The following TMEM140 variants were observed in gnomAD, a reference collection of about 807,000 sequenced individuals.
TMEM140 encodes the protein transmembrane protein 140.
For missense variants in TMEM140, 236 were observed against 228.5 expected, an observed-to-expected ratio of 1.03 and a Z score of -0.21; for synonymous variants, 107 against 106.8, an observed-to-expected ratio of 1.00 and a Z score of -0.01.
chr7:135,149,790 A>G (rs1829626758), intron 1 of TMEM140, among the ~76,000 whole-genome samples: 1 of 152,164 alleles, frequency 6.6e-6, no homozygotes, highest in African/African-American at 2.4e-5. Context: ...TTAGTTAACT[A>G]CTTTGCATTC....
At chr7:135,155,874 AT>A (rs1172522109) in intron 1 of TMEM140, among the ~76,000 whole-genome samples, 5 of 152,192 alleles carry the variant, frequency 3.3e-5, no homozygotes, top group Admixed American at 2.0e-4. Context: ...TAAAAACACC[AT>A]TCATTTCAGT....
At chr7:135,162,402 T>C (rs1173817685) in intron 1 of TMEM140, among the ~76,000 whole-genome samples, 1 of 152,214 alleles carries the variant, frequency 6.6e-6, no homozygotes, top group East Asian at 1.9e-4. Flanking sequence ...TCCTAGTCAC[T>C]TCCTGGTGAA....
intron 1 of TMEM140, chr7:135,152,710 C>T (rs1829694464): frequency 6.6e-6 from 1 of 152,190 alleles, no homozygotes; most frequent in Non-Finnish European, 1.5e-5. Flanking sequence ...TTCTTCCCTC[C>T]CTGGTCCCCT....
chr7:135,151,884 G>C lies in TMEM140; in HGVS notation c.-25+3614G>C, dbSNP rs1829674289. Among the ~76,000 whole-genome samples, 1 of 152,144 alleles carries C rather than the reference G, an allele frequency of 6.6e-6. No individual in the cohort carries two copies. The highest frequency in any genetic ancestry group is 6.6e-5 in the Admixed American group (1 of 15,266). On this transcript the variant is annotated intron_variant, in intron 1 of 1. Transcript: ENST00000275767. The surrounding 1 kb of genome is among the most constrained non-coding windows in gnomAD (Gnocchi z 4.3). Reference sequence around the variant, plus strand: ...CTGTGCTACCTCTCAACAGGCAGCTGCATCCTGGAGTCATCACAACCAAAC... The same window carrying C: ...CTGTGCTACCTCTCAACAGGCAGCTCCATCCTGGAGTCATCACAACCAAAC...
intron 1 of TMEM140, among the ~76,000 whole-genome samples, chr7:135,154,763 C>A (rs1829747376): frequency 6.6e-6 from 1 of 152,106 alleles, no homozygotes; most frequent in South Asian, 2.1e-4. Context: ...TCTTTTGTGG[C>A]CTTACATGTG....
In TMEM140 at chr7:135,164,841, T is replaced by C; in HGVS notation, c.400T>C (p.Phe134Leu). The C allele has an allele frequency of 1.2e-6, 2 of 1,613,974 alleles. No homozygotes were observed. Among genetic ancestry groups the C allele is most frequent in the South Asian group, 2.2e-5 (2 of 91,056 alleles). The change falls in exon 2 of 2, where the codon TTC (phenylalanine) becomes CTC (leucine). Residue 134 changes from phenylalanine (F) to leucine (L), a missense_variant. By Grantham distance (22) the Phe-to-Leu change is conservative (BLOSUM62 0). Transcript: ENST00000275767. ...GCTGCTGGCAGGCGGCCTGGGCCTCTTCCTCTCCTATGTGTGGAAGTGGGT... is the reference window on the plus strand; with the variant it reads ...GCTGCTGGCAGGCGGCCTGGGCCTCCTCCTCTCCTATGTGTGGAAGTGGGT... ...SVLLAGGLGLFLSYVWKWVRL... is the reference protein window; with the variant it reads ...SVLLAGGLGLLLSYVWKWVRL...
chr7:135,164,288 T>G, intron 1 of TMEM140, 130 bp from the exon 2 acceptor site: 1 of 692,088 alleles, frequency 1.4e-6, no homozygotes, highest in Non-Finnish European at 2.4e-6. Context: ...TTCTGGTCCT[T>G]GGTGGAGGGC....
rs10954488 is a variant in TMEM140, at chr7:135,151,578, G to A, written c.-25+3308G>A. On this transcript the variant is annotated intron_variant, in intron 1 of 1. Coordinates refer to ENST00000275767, the MANE Select transcript of TMEM140 (RefSeq NM_018295.5). The surrounding 1 kb of genome is among the most constrained non-coding windows in gnomAD (Gnocchi z 4.3). ...CCCAACCATGTCTACCTGACTCTCC[G>A]TCAATTCCCGTTTCTCCCACTGAGC... Among the ~76,000 whole-genome samples, 73,751 of 151,910 alleles carry A rather than the reference G, an allele frequency of 0.49. 18,266 individuals are homozygous for A. The highest frequency in any genetic ancestry group is 0.66 in the South Asian group (3,160 of 4,822).
Position 135,148,274 on chromosome 7 carries a change from A to T in TMEM140, c.-25+4A>T, listed in dbSNP as rs1209112867. 2 of 363,446 alleles carry T rather than the reference A, an allele frequency of 5.5e-6. No individual in the cohort carries two copies. The highest frequency in any genetic ancestry group is 4.3e-5 in the African/African-American group (2 of 46,778). 22.5% of individuals were successfully genotyped at this position (363,446 alleles called of 1,614,324 possible). A position where few individuals can be genotyped will look rare whatever the true frequency, so the allele number is the denominator to read the frequency against. On this transcript the variant is annotated splice_donor_region_variant and intron_variant, in intron 1 of 1. Coordinates refer to ENST00000275767, the MANE Select transcript of TMEM140 (RefSeq NM_018295.5). ...GTGGTCTCTGCACCTCCTTTCTGTAAGTACCGATCCTGCAAGCATCACAGC... is the reference window on the plus strand; with the variant it reads ...GTGGTCTCTGCACCTCCTTTCTGTATGTACCGATCCTGCAAGCATCACAGC...
intron 1 of TMEM140, among the ~76,000 whole-genome samples, chr7:135,155,141 A>G (rs891626248): frequency 6.6e-6 from 1 of 152,228 alleles, no homozygotes; most frequent in Non-Finnish European, 1.5e-5. Flanking sequence ...TTTATCAGAT[A>G]TAAGTATAGC....
chr7:135,157,460 AG>A (rs1427791133), intron 1 of TMEM140, among the ~76,000 whole-genome samples: 1 of 152,222 alleles, frequency 6.6e-6, no homozygotes, highest in Non-Finnish European at 1.5e-5. Context: ...TGGTGGCAAC[AG>A]TGGGGTAAGT....
Position 135,161,094 on chromosome 7 carries a change from TA to T in TMEM140, c.-24-3322del, listed in dbSNP as rs1829924879. Among the ~76,000 whole-genome samples the T allele has an allele frequency of 6.6e-6, 1 of 152,162 alleles. No individual in the cohort carries two copies. The highest frequency in any genetic ancestry group is 2.1e-4 in the South Asian group (1 of 4,830). On this transcript the variant is annotated intron_variant, in intron 1 of 1. Transcript: ENST00000275767. This position sits in a 1 kb window ranked among gnomAD's most constrained non-coding sequence, Gnocchi z 4.1. ...TCGCACCAGATGATGGCGAGCCTCA[TA>T]AGAGCTGGGACTGAATATAAAAAGG...
intron 1 of TMEM140, among the ~76,000 whole-genome samples, chr7:135,159,876 C>T (rs1428818314): frequency 1.3e-5 from 2 of 152,290 alleles, no homozygotes; most frequent in East Asian, 3.9e-4. Flanking sequence ...ATAAAAGACT[C>T]AAGAATATGC....
intron 1 of TMEM140, among the ~76,000 whole-genome samples, chr7:135,154,094 CTCTAGTTTT>C (rs1353984528): frequency 6.6e-6 from 1 of 152,028 alleles, no homozygotes; most frequent in East Asian, 1.9e-4. Context: ...TATCTATTTC[CTCTAGTTTT>C]TCTAGTTTGT....
At chr7:135,163,549 G>A (rs1199565213) in intron 1 of TMEM140, among the ~76,000 whole-genome samples, 1 of 152,176 alleles carries the variant, frequency 6.6e-6, no homozygotes, top group East Asian at 1.9e-4. Context: ...GGAGGCTGAG[G>A]CAGGAGACTT....
intron 1 of TMEM140, among the ~76,000 whole-genome samples, chr7:135,148,903 G>A (rs766893565): frequency 6.6e-6 from 1 of 151,948 alleles, no homozygotes; most frequent in Non-Finnish European, 1.5e-5. Context: ...TTTAATGTGG[G>A]CTTAGTTTCA....
chr7:135,154,813 T>C (rs1488854357), intron 1 of TMEM140, among the ~76,000 whole-genome samples: 1 of 152,224 alleles, frequency 6.6e-6, no homozygotes, highest in East Asian at 1.9e-4. Flanking sequence ...ACAAAAATAA[T>C]GTATATTCTG....
At chr7:135,157,370 A>C (rs1485278079) in intron 1 of TMEM140, among the ~76,000 whole-genome samples, 1 of 152,182 alleles carries the variant, frequency 6.6e-6, no homozygotes, top group South Asian at 2.1e-4. Context: ...AGTGGGATAG[A>C]GTATGGTAAT....
intron 1 of TMEM140, among the ~76,000 whole-genome samples, chr7:135,154,295 C>A (rs28826902): frequency 1 from 152,350 of 152,350 alleles, 76,175 homozygotes; most frequent in Non-Finnish European, 1. Flanking sequence ...TCATTGATCC[C>A]AAGAACTAAT....
Sources: allele counts gnomAD v4.1 joint callset (sites outside exome capture counted in the v4.1 genomes callset), GRCh38; gene constraint gnomAD v4.1.1; non-coding constraint Gnocchi (gnomAD v3.1); transcripts MANE v1.5; gene names NCBI Gene and HGNC (gene_info 2026-07-23, HGNC 2026-07-21).